FTO: variants seen among roughly 807,000 people sequenced by gnomAD.
FTO encodes the protein alpha-ketoglutarate-dependent dioxygenase FTO.
Under a neutral mutation model 63.9 loss-of-function variants are expected in FTO, and 47 were observed. That is an observed-to-expected ratio of 0.74 (90% CI 0.58 to 0.94). The LOEUF (loss-of-function observed/expected upper bound fraction) is 0.94. FTO is among the 40% of genes least tolerant of loss of function. FTO has a pLI of 0.00. For synonymous variants in FTO, 207 were observed against 224.4 expected, an observed-to-expected ratio of 0.92 and a Z score of 0.69; for missense variants, 562 against 618.1, an observed-to-expected ratio of 0.91 and a Z score of 0.96.
chr16:53,825,911 A>C lies in FTO; in HGVS notation c.171A>C (p.Val57=). ...TAATTCTCCGAGAAGCCAGCAGTGT[A>C]TCTGAGGAGCTCCATAAAGAGGTTC... The part of the protein sequence containing the change: ...PKLILREASS[V]SEELHKEVQE... Residue 57 remains valine, a synonymous_variant, in exon 3 of 9, where the codon GTA becomes GTC. Transcript: ENST00000471389. 1 of 1,614,210 alleles carries C rather than the reference A, an allele frequency of 6.2e-7. No homozygotes were observed. Among genetic ancestry groups the C allele is most frequent in the South Asian group, 1.1e-5 (1 of 91,078 alleles).
chr16:54,078,358 A>G (rs560311606), intron 8 of FTO, among the ~76,000 whole-genome samples: 11 of 147,918 alleles, frequency 7.4e-5, no homozygotes, highest in African/African-American at 2.7e-4. Context: ...ATTATATATA[A>G]TATTCTAAAT....
intron 8 of FTO, among the ~76,000 whole-genome samples, chr16:53,959,311 A>C (rs1312352953): frequency 6.6e-6 from 1 of 152,116 alleles, no homozygotes; most frequent in African/African-American, 2.4e-5. Flanking sequence ...TGAAACACAG[A>C]TTGCAGGCCC....
At chr16:53,922,227 C>G (rs7196243) in intron 7 of FTO, among the ~76,000 whole-genome samples, 64,020 of 151,926 alleles carry the variant, frequency 0.42, 14,252 homozygotes, top group East Asian at 0.84. Context: ...CTCTTGCTTT[C>G]TGTTTCATGC....
chr16:53,893,452 A>C (rs891272208), intron 7 of FTO, among the ~76,000 whole-genome samples: 1 of 152,144 alleles, frequency 6.6e-6, no homozygotes, highest in African/African-American at 2.4e-5. Context: ...GAAAAGCTGA[A>C]GTCTCCTGTG....
intron 1 of FTO, among the ~76,000 whole-genome samples, chr16:53,718,424 G>A (rs2075947942): frequency 6.6e-6 from 1 of 151,796 alleles, no homozygotes; most frequent in African/African-American, 2.4e-5. Context: ...ATTTTCTTGG[G>A]TTTTCTGGAT....
chr16:53,785,487 TG>T (rs1170276777), intron 1 of FTO, among the ~76,000 whole-genome samples: 1 of 152,082 alleles, frequency 6.6e-6, no homozygotes, highest in Non-Finnish European at 1.5e-5. Flanking sequence ...TTGGGCCATT[TG>T]GGGAATGAAT....
intron 1 of FTO, among the ~76,000 whole-genome samples, chr16:53,739,704 C>T (rs144495876): frequency 1.3e-4 from 20 of 151,764 alleles, no homozygotes; most frequent in East Asian, 5.8e-4. Flanking sequence ...CCCACTCCCA[C>T]GTTAAAAGAC....
intron 1 of FTO, among the ~76,000 whole-genome samples, chr16:53,799,079 G>A (rs552596641): frequency 1.3e-5 from 2 of 152,050 alleles, no homozygotes; most frequent in Admixed American, 1.3e-4. Flanking sequence ...GGTAACACTT[G>A]GTTATTATAT....
At chr16:53,713,443 T>A (rs1361773329) in intron 1 of FTO, among the ~76,000 whole-genome samples, 1 of 152,188 alleles carries the variant, frequency 6.6e-6, no homozygotes, top group African/African-American at 2.4e-5. Flanking sequence ...TTAGAGAAGG[T>A]GAATTTAGAG....
intron 8 of FTO, among the ~76,000 whole-genome samples, chr16:54,006,464 C>A (rs565843695): frequency 1.3e-5 from 2 of 152,084 alleles, no homozygotes; most frequent in East Asian, 1.9e-4. Context: ...GACTCAGTAA[C>A]GTAAAATGTG....
chr16:54,108,561 G>A (rs2086807890), intron 8 of FTO, among the ~76,000 whole-genome samples: 1 of 152,142 alleles, frequency 6.6e-6, no homozygotes, highest in South Asian at 2.1e-4. Flanking sequence ...TATGAAGGAA[G>A]GAGACTGCCC....
chr16:53,978,606 T>C (rs145472564), intron 8 of FTO, among the ~76,000 whole-genome samples: 262 of 152,354 alleles, frequency 1.7e-3, no homozygotes, highest in African/African-American at 5.8e-3. Flanking sequence ...TAGCTAATTC[T>C]CTTTTGTGGC....
intron 8 of FTO, among the ~76,000 whole-genome samples, chr16:54,010,940 G>A (rs1184808125): frequency 1.3e-5 from 2 of 152,102 alleles, no homozygotes; most frequent in African/African-American, 2.4e-5. Flanking sequence ...GTGCATCCCC[G>A]AAAGTAAGTG....
chr16:53,793,052 T>C (rs1020392986), intron 1 of FTO, among the ~76,000 whole-genome samples: 4 of 152,208 alleles, frequency 2.6e-5, no homozygotes, highest in Non-Finnish European at 5.9e-5. Context: ...AAGGAAATTA[T>C]ATTAGTAGTT....
At chr16:53,747,428 T>C (rs2076675223) in intron 1 of FTO, among the ~76,000 whole-genome samples, 1 of 152,212 alleles carries the variant, frequency 6.6e-6, no homozygotes, top group South Asian at 2.1e-4. Flanking sequence ...TTTGCATTTC[T>C]TTAATGATTA....
At chr16:54,035,242 C>A (rs1261323108) in intron 8 of FTO, among the ~76,000 whole-genome samples, 1 of 152,170 alleles carries the variant, frequency 6.6e-6, no homozygotes, top group Non-Finnish European at 1.5e-5. Context: ...AAGAAAACAG[C>A]AAAGAAGTTT....
chr16:53,928,852 G>A (rs2082211708), intron 7 of FTO, among the ~76,000 whole-genome samples: 1 of 151,748 alleles, frequency 6.6e-6, no homozygotes, highest in African/African-American at 2.4e-5. Flanking sequence ...TGTTTGTTTG[G>A]GTTTTTTTTT....
Position 54,114,201 on chromosome 16 carries a change from T to A in FTO, c.*2286T>A, listed in dbSNP as rs1336557610. 3 of 152,178 alleles carry A rather than the reference T, an allele frequency of 2.0e-5. No individual in the cohort carries two copies. Among genetic ancestry groups the A allele is most frequent in the South Asian group, 2.1e-4 (1 of 4,826 alleles). The allele number at this position is 152,178 out of a possible 1,614,324, so 9.4% of individuals were successfully genotyped here. ...TAAATAAGCATCTTCCCACTGCGAG[T>A]TGGGGCATGACCCAGCCTATGGTTT... On this transcript the variant is annotated 3_prime_UTR_variant, in exon 9 of 9. Transcript: ENST00000471389.
At chr16:53,917,261 C>T (rs1442309115) in intron 7 of FTO, among the ~76,000 whole-genome samples, 1 of 152,190 alleles carries the variant, frequency 6.6e-6, no homozygotes, top group Non-Finnish European at 1.5e-5. Context: ...GCATTCCTGC[C>T]TCACAGAAAG....
Sources: allele counts gnomAD v4.1 joint callset (sites outside exome capture counted in the v4.1 genomes callset), GRCh38; gene constraint gnomAD v4.1.1; transcripts MANE v1.5; gene names NCBI Gene and HGNC (gene_info 2026-07-23, HGNC 2026-07-21).